Variants in ETV7 observed in about 807,000 individuals in gnomAD.
The protein encoded by ETV7 is ETS variant transcription factor 7.
In ETV7, 43 loss-of-function variants were observed where a neutral mutation model predicts 39.1. That is an observed-to-expected ratio of 1.10 (90% CI 0.86 to 1.42). The LOEUF is 1.42. Ranked by LOEUF, ETV7 falls within the 40% of genes most tolerant of loss-of-function variation. ETV7 has a pLI of 0.00. For synonymous variants in ETV7, 196 were observed against 176.6 expected, an observed-to-expected ratio of 1.11 and a Z score of -0.87; for missense variants, 432 against 442.3, an observed-to-expected ratio of 0.98 and a Z score of 0.21.
chr6:36,369,927 A>G (rs1772927885), intron 5 of ETV7, among the ~76,000 whole-genome samples: 2 of 151,580 alleles, frequency 1.3e-5, no homozygotes, highest in African/African-American at 4.9e-5. Flanking sequence ...AAACCCAGTA[A>G]TTGTGGATCA....
At chr6:36,362,324 G>C (rs1053941241), downstream of ETV7, among the ~76,000 whole-genome samples, 1 of 152,022 alleles carries the variant, frequency 6.6e-6, no homozygotes, top group East Asian at 1.9e-4. Context: ...ATTAGCTGGT[G>C]TGGTGGCGGG....
chr6:36,387,496 C>T (rs770900271), intron 1 of ETV7, 40 bp downstream of exon 1: 7 of 1,613,822 alleles, frequency 4.3e-6, no homozygotes, highest in Admixed American at 3.3e-5. Flanking sequence ...GAGCAGGTGG[C>T]TCTGCGTGCG....
At position 36,358,166 on chromosome 6, in the gene ETV7, C is replaced by T. The variant is rs182587891; in HGVS notation, c.909-3479G>A. On this transcript the variant is annotated intron_variant, in intron 7 of 7. Coordinates refer to the ETV7 transcript ENST00000339796. ...TAACTGATACAGTAGCTGCAGATGA[C>T]GTAGGGCTGGCCTCCTTAGAAGGGA... Among the ~76,000 whole-genome samples the T allele has an allele frequency of 9.2e-3, 1,394 of 152,306 alleles. 13 individuals carry two copies. The highest frequency in any genetic ancestry group is 0.015 in the Non-Finnish European group (1,022 of 68,024).
intron 6 of ETV7, 107 bp from the exon 7 acceptor site, chr6:36,367,082 A>C (rs538162947): frequency 1.2e-6 from 1 of 860,806 alleles, no homozygotes; most frequent in African/African-American, 1.7e-5. Flanking sequence ...CTCTCATTCC[A>C]GGGATCTGTG....
At chr6:36,358,635 G>A (rs1772399633) in intron 7 of ETV7, among the ~76,000 whole-genome samples, 1 of 152,196 alleles carries the variant, frequency 6.6e-6, no homozygotes, top group East Asian at 1.9e-4. Context: ...TGGGGGTGGT[G>A]GAGAAGAAAG....
downstream of ETV7, among the ~76,000 whole-genome samples, chr6:36,364,291 G>A (rs888226582): frequency 6.6e-6 from 1 of 152,228 alleles, no homozygotes; most frequent in Admixed American, 6.5e-5. Flanking sequence ...GGTGGCGCTC[G>A]TCGGGGAGGC....
intron 7 of ETV7, among the ~76,000 whole-genome samples, chr6:36,357,639 G>A (rs1706012289): frequency 6.6e-6 from 1 of 152,122 alleles, no homozygotes; most frequent in Admixed American, 6.6e-5. Context: ...CACTTTGGGA[G>A]GTCAAGGCAG....
downstream of ETV7, among the ~76,000 whole-genome samples, chr6:36,361,458 C>T (rs544284056): frequency 1.3e-5 from 2 of 152,326 alleles, no homozygotes; most frequent in South Asian, 2.1e-4. Context: ...TCACTAACAC[C>T]GTGGGACCAG....
intron 3 of ETV7, 105 bp downstream of exon 3, chr6:36,375,766 C>T (rs529143284): frequency 1.8e-4 from 287 of 1,565,774 alleles, no homozygotes; most frequent in Middle Eastern, 3.5e-4. Flanking sequence ...CATGATTCCC[C>T]AAGGAAGACC....
At chr6:36,361,392 GT>G (rs1440224970), downstream of ETV7, among the ~76,000 whole-genome samples, 1 of 152,230 alleles carries the variant, frequency 6.6e-6, no homozygotes, top group Non-Finnish European at 1.5e-5. Flanking sequence ...AAAGGTCTGT[GT>G]TTTCTGTGTG....
At chr6:36,381,828 GA>G (rs1561916149) in intron 2 of ETV7, among the ~76,000 whole-genome samples, 1 of 152,160 alleles carries the variant, frequency 6.6e-6, no homozygotes, top group Non-Finnish European at 1.5e-5. Flanking sequence ...CTGGGACTTT[GA>G]TTGGCTTCTC....
At chr6:36,363,127 G>A (rs1772565400), downstream of ETV7, among the ~76,000 whole-genome samples, 2 of 152,232 alleles carry the variant, frequency 1.3e-5, no homozygotes, top group African/African-American at 2.4e-5. Context: ...GGGGTGAGGA[G>A]GTGATAATGT....
At chr6:36,387,370 G>T (rs1359675892) in intron 1 of ETV7, among the ~76,000 whole-genome samples, 166 bp downstream of exon 1, 1 of 152,206 alleles carries the variant, frequency 6.6e-6, no homozygotes, top group Non-Finnish European at 1.5e-5. Flanking sequence ...GGTGGAAGGG[G>T]AAGTGAGTGA....
chr6:36,362,367 G>A (rs1035828951), downstream of ETV7, among the ~76,000 whole-genome samples: 23 of 152,118 alleles, frequency 1.5e-4, no homozygotes, highest in African/African-American at 4.8e-4. Flanking sequence ...GGAGGCTGAG[G>A]CAGGAGAATC....
downstream of ETV7, among the ~76,000 whole-genome samples, chr6:36,363,775 A>G (rs953841145): frequency 4.1e-5 from 6 of 146,206 alleles, no homozygotes; most frequent in Non-Finnish European, 9.0e-5. Context: ...CCTCCCCACC[A>G]GATTAGCTAG....
intron 4 of ETV7, 118 bp from the exon 5 acceptor site, chr6:36,371,678 A>C: frequency 1.1e-6 from 1 of 920,438 alleles, no homozygotes; most frequent in South Asian, 1.5e-5. Flanking sequence ...TCTTTCTCCA[A>C]CCAGCCCCTG....
Position 36,366,689 on chromosome 6 carries a change from C to T in ETV7, c.982G>A (p.Asp328Asn), listed in dbSNP as rs796308571. Residue 328 changes from aspartate (D) to asparagine (N), a missense_variant, in exon 8 of 8, where the codon GAC becomes AAC. By Grantham distance (23) the Asp-to-Asn change is conservative. Coordinates refer to ENST00000340181, the MANE Select transcript of ETV7 (RefSeq NM_016135.4). ...CTCTTGTCCTTGAACTCTATTCTGTCCTGCTCCTGGCTCTCCAGCGGCTCC... is the reference window on the plus strand; with the variant it reads ...CTCTTGTCCTTGAACTCTATTCTGTTCTGCTCCTGGCTCTCCAGCGGCTCC... ...HLEPLESQEQDRIEFKDKRPE... is the reference protein window; with the variant it reads ...HLEPLESQEQNRIEFKDKRPE... 1 of 1,614,076 alleles carries T rather than the reference C, an allele frequency of 6.2e-7. No individual in the cohort carries two copies. Among genetic ancestry groups the T allele is most frequent in the South Asian group, 1.1e-5 (1 of 91,088 alleles).
chr6:36,354,747 C>T, intron 7 of ETV7: 2 of 670,626 alleles, frequency 3.0e-6, no homozygotes, highest in South Asian at 1.6e-5. Flanking sequence ...ATATGTAGAC[C>T]AATTTAGGGA....
chr6:36,358,899 C>T (rs1443344121), intron 7 of ETV7, among the ~76,000 whole-genome samples: 1 of 152,186 alleles, frequency 6.6e-6, no homozygotes, highest in Non-Finnish European at 1.5e-5. Context: ...CAACAATACA[C>T]CGTGCTTCCT....
Sources: gnomAD v4.1 joint callset for allele counts (sites outside exome capture counted in the v4.1 genomes callset) on GRCh38, gnomAD v4.1.1 for gene constraint, MANE v1.5 for transcripts, NCBI Gene and HGNC (gene_info 2026-07-23, HGNC 2026-07-21) for gene names.